The following EPHB1 variants were observed in gnomAD, a reference collection of about 807,000 sequenced individuals.
The protein encoded by EPHB1 is ephrin type-B receptor 1.
A neutral mutation model predicts 94.4 loss-of-function variants in EPHB1; 30 were observed. The observed-to-expected ratio is 0.32, with a 90% CI of 0.24 to 0.43. EPHB1 has a LOEUF of 0.43. Among genes scored for constraint, EPHB1 ranks in the 20% least tolerant of loss-of-function variants. The pLI is 1.00. For synonymous variants in EPHB1, 522 were observed against 489.1 expected, an observed-to-expected ratio of 1.07 and a Z score of -0.89; for missense variants, 1,055 against 1,308.3, an observed-to-expected ratio of 0.81 and a Z score of 2.99.
At chr3:135,049,553 G>C (rs1389297514) in intron 3 of EPHB1, among the ~76,000 whole-genome samples, 1 of 152,228 alleles carries the variant, frequency 6.6e-6, no homozygotes, top group African/African-American at 2.4e-5. Flanking sequence ...AGCATCCCAA[G>C]AGACAGGAAT....
chr3:135,030,356 T>G (rs1467790923), intron 3 of EPHB1, among the ~76,000 whole-genome samples: 1 of 152,254 alleles, frequency 6.6e-6, no homozygotes, highest in African/African-American at 2.4e-5. Flanking sequence ...TTTGTGGTTT[T>G]ATCTACTTTT....
chr3:135,034,686 G>C (rs1026935473), intron 3 of EPHB1, among the ~76,000 whole-genome samples: 1 of 152,268 alleles, frequency 6.6e-6, no homozygotes, highest in Non-Finnish European at 1.5e-5. Flanking sequence ...GGCTGTGCCT[G>C]GGGTGCCCTG....
chr3:135,227,855 C>A (rs1337419176), intron 12 of EPHB1, among the ~76,000 whole-genome samples: 1 of 152,086 alleles, frequency 6.6e-6, no homozygotes, highest in Non-Finnish European at 1.5e-5. Context: ...GACCCCATTT[C>A]TTTATTATTT....
chr3:134,970,940 TA>T (rs1340967010), intron 3 of EPHB1, among the ~76,000 whole-genome samples: 12 of 152,232 alleles, frequency 7.9e-5, no homozygotes, highest in Admixed American at 4.6e-4. Context: ...ATATAAGCTT[TA>T]TCCTTTTCTC....
chr3:135,227,366 T>C (rs1943426397), intron 12 of EPHB1, among the ~76,000 whole-genome samples: 2 of 152,204 alleles, frequency 1.3e-5, no homozygotes, highest in South Asian at 2.1e-4. Context: ...CAGAAATTAC[T>C]ATCATTCATA....
Position 134,833,617 on chromosome 3 carries a change from C to CA in EPHB1, c.58+37929dup, listed in dbSNP as rs911627418. Among the ~76,000 whole-genome samples the CA allele has an allele frequency of 2.0e-5, 3 of 152,274 alleles. No individual in the cohort carries two copies. The East Asian group carries it at 5.8e-4, about 29-fold the overall frequency. ...AGCAAATGAGCAGATGATGACAATT[C>CA]AGTGTGATGGGTGCCAGGACTGAAG... On this transcript the variant is annotated intron_variant, in intron 1 of 15. Coordinates refer to ENST00000398015, the MANE Select transcript of EPHB1 (RefSeq NM_004441.5).
intron 3 of EPHB1, among the ~76,000 whole-genome samples, chr3:135,058,610 T>G (rs1340988781): frequency 6.6e-6 from 1 of 152,228 alleles, no homozygotes; most frequent in Non-Finnish European, 1.5e-5. Flanking sequence ...CCTATCTTCA[T>G]GGGCAAGTTC....
intron 2 of EPHB1, among the ~76,000 whole-genome samples, chr3:134,948,603 C>T (rs1346367072): frequency 6.6e-6 from 1 of 152,226 alleles, no homozygotes; most frequent in South Asian, 2.1e-4. Context: ...AGGTGAGGCT[C>T]GACAGTGTGA....
intron 13 of EPHB1, among the ~76,000 whole-genome samples, chr3:135,243,924 A>G (rs4569680): frequency 0.35 from 53,259 of 151,388 alleles, 9,373 homozygotes; most frequent in Middle Eastern, 0.45. Context: ...GACTTAACCC[A>G]CTCTGCCCTG....
chr3:134,843,058 ATTTG>A (rs2036805452), intron 1 of EPHB1, among the ~76,000 whole-genome samples: 2 of 151,670 alleles, frequency 1.3e-5, no homozygotes, highest in Non-Finnish European at 1.5e-5. Flanking sequence ...ATTCTTTAGT[ATTTG>A]TTTGTATTTT....
chr3:135,040,765 A>G (rs967184211), intron 3 of EPHB1, among the ~76,000 whole-genome samples: 5 of 152,248 alleles, frequency 3.3e-5, no homozygotes, highest in African/African-American at 1.2e-4. Flanking sequence ...AGATACTGCA[A>G]GAGAAAGCTC....
At chr3:135,061,674 T>C (rs1937512521) in intron 3 of EPHB1, among the ~76,000 whole-genome samples, 1 of 151,972 alleles carries the variant, frequency 6.6e-6, no homozygotes, top group African/African-American at 2.4e-5. Flanking sequence ...GTATACATGT[T>C]CCATGTGGGT....
intron 3 of EPHB1, among the ~76,000 whole-genome samples, chr3:135,053,425 C>A (rs1173561292): frequency 2.0e-5 from 3 of 151,832 alleles, no homozygotes; most frequent in Non-Finnish European, 4.4e-5. Flanking sequence ...CTTTATGAGA[C>A]CTTTTGGGAA....
chr3:134,856,563 A>G (rs1283383105), intron 1 of EPHB1, among the ~76,000 whole-genome samples: 1 of 152,230 alleles, frequency 6.6e-6, no homozygotes, highest in African/African-American at 2.4e-5. Flanking sequence ...TGAACAAGAA[A>G]TCAAACTGTA....
intron 3 of EPHB1, among the ~76,000 whole-genome samples, chr3:135,098,232 A>T (rs548380908): frequency 6.6e-6 from 1 of 152,358 alleles, no homozygotes; most frequent in Non-Finnish European, 1.5e-5. Flanking sequence ...TTCTTTGATT[A>T]CTAAAGTCAT....
At chr3:135,118,181 G>C (rs1397043042) in intron 4 of EPHB1, among the ~76,000 whole-genome samples, 3 of 152,172 alleles carry the variant, frequency 2.0e-5, no homozygotes, top group Admixed American at 1.3e-4. Context: ...GGTCAGCCGT[G>C]CCCATACCCA....
chr3:134,959,145 T>G (rs373934776), intron 3 of EPHB1, among the ~76,000 whole-genome samples: 5 of 151,944 alleles, frequency 3.3e-5, no homozygotes, highest in Admixed American at 3.3e-4. Flanking sequence ...TGAGGTGGGG[T>G]GGGTAGTGGG....
chr3:134,802,218 C>T (rs548853405), intron 1 of EPHB1, among the ~76,000 whole-genome samples: 6 of 151,702 alleles, frequency 4.0e-5, no homozygotes, highest in African/African-American at 9.7e-5. Context: ...GGGCGGATCA[C>T]GAGGTCAGGA....
chr3:134,808,596 A>G lies in EPHB1; in HGVS notation c.58+12907A>G, dbSNP rs185875964. ...AGAGAGATGGTATGTCCAATAAAGGAAAGTATATGGATTCTGGACAGAAGA... is the reference window on the plus strand; with the variant it reads ...AGAGAGATGGTATGTCCAATAAAGGGAAGTATATGGATTCTGGACAGAAGA... On this transcript the variant is annotated intron_variant, in intron 1 of 15. Coordinates refer to ENST00000398015, the MANE Select transcript of EPHB1 (RefSeq NM_004441.5). Among the ~76,000 whole-genome samples the G allele has an allele frequency of 5.3e-5, 8 of 152,292 alleles. No individual in the cohort carries two copies. The East Asian group carries it at 1.5e-3, about 29-fold the overall frequency.
Sources: gnomAD v4.1 joint callset for allele counts (sites outside exome capture counted in the v4.1 genomes callset) on GRCh38, gnomAD v4.1.1 for gene constraint, MANE v1.5 for transcripts, NCBI Gene and HGNC (gene_info 2026-07-23, HGNC 2026-07-21) for gene names.